Variants in DNA2 observed in about 807,000 individuals in gnomAD.
DNA2 encodes DNA replication ATP-dependent helicase/nuclease DNA2.
Under a neutral mutation model 119.1 loss-of-function variants are expected in DNA2, and 101 were observed. The observed-to-expected ratio is 0.85, with a 90% confidence interval of 0.72 to 1.00. The LOEUF is 1.00. Among genes scored for constraint, DNA2 ranks in the 50% least tolerant of loss-of-function variants. The probability of loss-of-function intolerance (pLI) is 0.00; values close to 1 mark genes in which losing one functional copy is unlikely to be tolerated. For synonymous variants in DNA2, 366 were observed against 424.4 expected, an observed-to-expected ratio of 0.86 and a Z score of 1.69; for missense variants, 1,121 against 1,255.5, an observed-to-expected ratio of 0.89 and a Z score of 1.62.
chr10:68,425,056 T>G (rs1270835634), intron 14 of DNA2: 1 of 423,004 alleles, frequency 2.4e-6, no homozygotes, highest in African/African-American at 2.1e-5. Flanking sequence ...GTGTGTTTCT[T>G]TGGAACTTTT....
rs780519706 is a variant in DNA2 at position 68,467,417 on chromosome 10, C to T, written c.441+706G>A. 2.0e-5 allele frequency among the ~76,000 whole-genome samples: 3 copies of T among 147,520 alleles called. No homozygotes were observed. The South Asian group carries it at 6.3e-4, about 31-fold the overall frequency. ...AGCCACTGCGCCCAGCCCCAAAATA[C>T]GTTTTTTTTTTGAGACTTTTTATTT... On this transcript the variant is annotated intron_variant, in intron 3 of 20. Transcript: ENST00000358410.
At chr10:68,425,605 G>T (rs1214161796) in intron 14 of DNA2, among the ~76,000 whole-genome samples, 1 of 151,468 alleles carries the variant, frequency 6.6e-6, no homozygotes, top group Admixed American at 6.6e-5. Flanking sequence ...GTTTCACCGT[G>T]TTAGCCAGGA....
At chr10:68,417,652 C>CAAAAAAAAAAAAAAA (rs575627007) in intron 19 of DNA2, among the ~76,000 whole-genome samples, 1 of 113,554 alleles carries the variant, frequency 8.8e-6, no homozygotes, top group Non-Finnish European at 1.8e-5. Flanking sequence ...GATCTCATCT[C>CAAAAAAAAAAAAAAA]AAAAAAAAAA....
At chr10:68,458,780 G>A (rs564685557) in intron 5 of DNA2, among the ~76,000 whole-genome samples, 65 of 152,234 alleles carry the variant, frequency 4.3e-4, no homozygotes, top group African/African-American at 8.7e-4. Context: ...CCTGGGAGGC[G>A]GAGGTTGCCG....
chr10:68,445,182 G>A, intron 7 of DNA2, 99 bp from the exon 8 acceptor site: 1 of 1,148,770 alleles, frequency 8.7e-7, no homozygotes, highest in Non-Finnish European at 1.2e-6. Flanking sequence ...AAACATTTTA[G>A]GGCCGGGCAC....
intron 18 of DNA2, chr10:68,419,469 GCA>G (rs113036471): frequency 0.022 from 10,052 of 460,566 alleles, no homozygotes; most frequent in East Asian, 0.025. Flanking sequence ...CTAAAACAGT[GCA>G]CACACACACA....
rs147096750 is a variant in DNA2, at chr10:68,430,491, C to A, written c.2153G>T (p.Cys718Phe). Residue 718 changes from cysteine (C) to phenylalanine (F), a missense_variant, in exon 14 of 21, where the codon TGC becomes TTC. Coordinates refer to ENST00000358410, the MANE Select transcript of DNA2 (RefSeq NM_001080449.3). ...AIQQFTEQEI[C>F]RSKSIKSLAL... Reference sequence around the variant, plus strand: ...TAAGGATTTAATGGACTTTGATCTGCAAATTTCTTGCTCTGTAAATTGCTG... The same window carrying A: ...TAAGGATTTAATGGACTTTGATCTGAAAATTTCTTGCTCTGTAAATTGCTG... 5,353 of 1,611,764 alleles carry A rather than the reference C, an allele frequency of 3.3e-3. 29 individuals carry two copies. The highest frequency in any genetic ancestry group is 3.7e-3 in the Non-Finnish European group (4,364 of 1,178,934).
chr10:68,469,927 T>C (rs916468481), intron 2 of DNA2, 54 bp downstream of exon 2: 13 of 1,507,846 alleles, frequency 8.6e-6, no homozygotes, highest in Non-Finnish European at 1.1e-5. Context: ...TTGATGAGTT[T>C]TACGACAGTA....
At chr10:68,439,284 C>T (rs1044574186) in intron 9 of DNA2, among the ~76,000 whole-genome samples, 1 of 147,754 alleles carries the variant, frequency 6.8e-6, no homozygotes, top group Non-Finnish European at 1.5e-5. Context: ...ATCCCAGCTA[C>T]TCGGGAGGCT....
At chr10:68,428,873 T>C (rs904373738) in intron 14 of DNA2, among the ~76,000 whole-genome samples, 2 of 152,076 alleles carry the variant, frequency 1.3e-5, no homozygotes, top group African/African-American at 2.4e-5. Flanking sequence ...CTTGTGGTAA[T>C]AGAATAGGGA....
intron 2 of DNA2, 116 bp from the exon 3 acceptor site, chr10:68,468,422 T>C: frequency 1.4e-6 from 1 of 697,000 alleles, no homozygotes; most frequent in Non-Finnish European, 2.1e-6. Flanking sequence ...AAAAAAATAT[T>C]TCTAAATTTC....
chr10:68,459,134 G>T lies in DNA2; in HGVS notation c.689C>A (p.Ser230Ter). 6.3e-7 allele frequency: 1 copy of T among 1,599,986 alleles called. No individual in the cohort carries two copies. The change falls in exon 5 of 21, where the codon TCG becomes TAG. Residue 230 changes from serine to a stop codon, truncating the protein, a stop_gained. Coordinates refer to ENST00000358410, the MANE Select transcript of DNA2 (RefSeq NM_001080449.3). LOFTEE classifies it high-confidence loss of function. The stretch of plus-strand genomic sequence containing the variant: ...GAGCTGCATCTGAGGGAAGTCAGTC[G>T]AAGTGTTTTTATGCATGAAATCTCC... ...WAGDFMHKNT[S>*]TDFPQMQLSL...
chr10:68,438,220 C>T (rs574915157), intron 9 of DNA2, among the ~76,000 whole-genome samples: 1 of 151,968 alleles, frequency 6.6e-6, no homozygotes, highest in African/African-American at 2.4e-5. Flanking sequence ...CTCCCAAATG[C>T]AATATAAAAA....
At chr10:68,459,370 T>C (rs1280797335) in intron 4 of DNA2, 135 bp from the exon 5 acceptor site, 76 of 878,282 alleles carry the variant, frequency 8.7e-5, no homozygotes, top group South Asian at 2.1e-5. Flanking sequence ...CAACTGTTCG[T>C]CAGCCAATAA....
chr10:68,419,711 C>G, intron 18 of DNA2, 92 bp downstream of exon 18: 3 of 938,002 alleles, frequency 3.2e-6, no homozygotes, highest in Non-Finnish European at 5.0e-6. Flanking sequence ...TCTTAATAAA[C>G]GAGACTTAAT....
intron 20 of DNA2, 117 bp downstream of exon 20, chr10:68,416,592 G>A: frequency 1.9e-6 from 2 of 1,041,358 alleles, no homozygotes; most frequent in Non-Finnish European, 2.9e-6. Flanking sequence ...AGGATCGCTT[G>A]AGCCCAGGAG....
In DNA2 at chr10:68,450,111, G is replaced by T. The variant is rs1398180154; in HGVS notation, c.856C>A (p.Arg286=). 2 of 1,604,240 alleles carry T rather than the reference G, an allele frequency of 1.2e-6. No homozygotes were observed. Among genetic ancestry groups the T allele is most frequent in the Non-Finnish European group, 8.5e-7 (1 of 1,174,854 alleles). ...ATCTTGTATTTTGTTTTATACCCTC[G>T]ATGTATTTTCACACCAACTGTAACA... ...IDVTVGVKIH[R]GYKTKYKIMP... is the part of the protein sequence containing the mutation. The change falls in exon 6 of 21, where the codon CGA becomes AGA. Residue 286 remains arginine, a synonymous_variant. Transcript: ENST00000358410.
chr10:68,449,254 T>C (rs1270662242), intron 6 of DNA2, among the ~76,000 whole-genome samples: 2 of 152,202 alleles, frequency 1.3e-5, no homozygotes, highest in African/African-American at 4.8e-5. Context: ...TCTATTGACA[T>C]AATGTTCCTT....
intron 18 of DNA2, chr10:68,419,508 C>T: frequency 3.9e-6 from 2 of 513,672 alleles, no homozygotes; most frequent in Non-Finnish European, 6.8e-6. Flanking sequence ...ATACATTTCA[C>T]CTTCTGCTAT....
Sources: gnomAD v4.1 joint callset for allele counts (sites outside exome capture counted in the v4.1 genomes callset) on GRCh38, gnomAD v4.1.1 for gene constraint, MANE v1.5 for transcripts, NCBI Gene and HGNC (gene_info 2026-07-23, HGNC 2026-07-21) for gene names.